The following CRACD variants were observed in gnomAD, a reference collection of about 807,000 sequenced individuals.
The protein encoded by CRACD is capping protein inhibiting regulator of actin dynamics, also known as capping protein-inhibiting regulator of actin dynamics.
Under a neutral mutation model 106.8 loss-of-function variants are expected in CRACD, and 56 were observed. The observed-to-expected ratio is 0.52, with a 90% CI of 0.42 to 0.66. The LOEUF is 0.66. CRACD is among the 30% of genes least tolerant of loss of function. CRACD has a pLI of 0.00. For synonymous variants in CRACD, 754 were observed against 670.8 expected (o/e 1.12, Z -1.92); for missense variants, 1,730 against 1,623.2 (o/e 1.07, Z -1.13).
At chr4:56,290,202 C>T (rs943553239) in intron 3 of CRACD, among the ~76,000 whole-genome samples, 1 of 152,198 alleles carries the variant, frequency 6.6e-6, no homozygotes, top group Non-Finnish European at 1.5e-5. Flanking sequence ...GATTTCCAGT[C>T]TTCTGCATGA....
chr4:56,316,837 A>C, intron 8 of CRACD, 148 bp downstream of exon 8: 2 of 987,356 alleles, frequency 2.0e-6, no homozygotes, highest in Non-Finnish European at 2.9e-6. Context: ...TGCAGAACAA[A>C]ACCGTGGGGC....
At chr4:56,257,995 G>A (rs965139245) in intron 2 of CRACD, among the ~76,000 whole-genome samples, 2 of 151,632 alleles carry the variant, frequency 1.3e-5, no homozygotes, top group Admixed American at 6.6e-5. Flanking sequence ...GCTTGAACCC[G>A]GGAGGCAGAG....
intron 1 of CRACD, among the ~76,000 whole-genome samples, chr4:56,066,019 G>C (rs1336558381): frequency 2.6e-5 from 4 of 152,162 alleles, no homozygotes; most frequent in Non-Finnish European, 4.4e-5. Flanking sequence ...TATCAGAACT[G>C]TATTCCTTTA....
At chr4:56,204,436 G>GA in intron 2 of CRACD, among the ~76,000 whole-genome samples, 2 of 152,242 alleles carry the variant, frequency 1.3e-5, no homozygotes, top group Non-Finnish European at 2.9e-5. Flanking sequence ...TCCCATGGTA[G>GA]AAGGCAGGTG....
intron 2 of CRACD, among the ~76,000 whole-genome samples, chr4:56,239,966 T>C (rs1362054931): frequency 2.0e-5 from 3 of 152,122 alleles, no homozygotes; most frequent in African/African-American, 7.2e-5. Context: ...GGAGGAATGA[T>C]TAAGCCTATG....
intron 7 of CRACD, 149 bp downstream of exon 7, chr4:56,313,528 C>T (rs1426335239): frequency 9.9e-6 from 7 of 708,060 alleles, no homozygotes; most frequent in African/African-American, 5.4e-5. Context: ...TTGGGGAATA[C>T]ACAGGCCTGT....
intron 2 of CRACD, among the ~76,000 whole-genome samples, chr4:56,242,281 A>G (rs1740410865): frequency 6.6e-6 from 1 of 152,228 alleles, no homozygotes. Context: ...CACAGGATGA[A>G]CGGAAAAATA....
At chr4:56,083,901 C>T (rs115144945) in intron 1 of CRACD, among the ~76,000 whole-genome samples, 2,120 of 152,130 alleles carry the variant, frequency 0.014, 22 homozygotes, top group Non-Finnish European at 0.021. Context: ...CACCTGAGGC[C>T]GGGAGGTCTA....
chr4:56,115,415 C>T lies in CRACD; in HGVS notation c.-335-63869C>T, dbSNP rs749720786. ...TTTGTAGATGGAAATAATTGCTGCC[C>T]TTGTCTTATTAGAAAAATATAATCA... On this transcript the variant is annotated intron_variant, in intron 1 of 10. Transcript: ENST00000682029. Among the ~76,000 whole-genome samples, 90 of 152,174 alleles carry T rather than the reference C, an allele frequency of 5.9e-4. No homozygotes were observed. In the Middle Eastern group the frequency reaches 0.01, roughly 17 times the overall value.
chr4:56,323,311 G>T (rs902486481), intron 8 of CRACD, 66 bp from the exon 9 acceptor site: 7 of 1,391,454 alleles, frequency 5.0e-6, no homozygotes, highest in Non-Finnish European at 6.9e-6. Context: ...GTTTTAGGGG[G>T]TGAGGAACTG....
At chr4:56,236,242 G>A (rs1378974259) in intron 2 of CRACD, among the ~76,000 whole-genome samples, 1 of 152,122 alleles carries the variant, frequency 6.6e-6, no homozygotes, top group Non-Finnish European at 1.5e-5. Flanking sequence ...CTGGAGTGAT[G>A]TGTCTGCAAG....
chr4:56,071,204 T>C (rs918246014), intron 1 of CRACD, among the ~76,000 whole-genome samples: 1 of 152,150 alleles, frequency 6.6e-6, no homozygotes, highest in East Asian at 1.9e-4. Flanking sequence ...TGCCCTAGGA[T>C]AAACTTAAGA....
chr4:56,288,824 C>T (rs554506035), intron 3 of CRACD, among the ~76,000 whole-genome samples: 7 of 152,306 alleles, frequency 4.6e-5, no homozygotes, highest in Admixed American at 2.0e-4. Flanking sequence ...CATCAGCACA[C>T]CCATGTTCAT....
chr4:56,211,836 G>A (rs1343187245), intron 2 of CRACD, among the ~76,000 whole-genome samples: 2 of 152,210 alleles, frequency 1.3e-5, no homozygotes, highest in African/African-American at 2.4e-5. Flanking sequence ...AGGAAAGCAT[G>A]ACAAATGGGA....
chr4:56,291,510 T>C (rs1278053615), intron 3 of CRACD, among the ~76,000 whole-genome samples: 4 of 152,180 alleles, frequency 2.6e-5, no homozygotes, highest in Non-Finnish European at 2.9e-5. Context: ...TTTTGGAACT[T>C]TGGGCAATAT....
intron 1 of CRACD, among the ~76,000 whole-genome samples, chr4:56,085,478 C>T (rs2109813256): frequency 6.6e-6 from 1 of 152,182 alleles, no homozygotes; most frequent in African/African-American, 2.4e-5. Flanking sequence ...CTGAATAGCT[C>T]TGTAGGCTCA....
At chr4:56,074,809 A>G (rs1732781645) in intron 1 of CRACD, among the ~76,000 whole-genome samples, 2 of 152,060 alleles carry the variant, frequency 1.3e-5, no homozygotes, top group Admixed American at 6.6e-5. Context: ...TCAGTATGAT[A>G]TTGGTTGTGG....
At chr4:56,182,561 C>T (rs1268728877) in intron 2 of CRACD, among the ~76,000 whole-genome samples, 8 of 152,140 alleles carry the variant, frequency 5.3e-5, no homozygotes, top group South Asian at 2.1e-4. Flanking sequence ...CTACTAGGGC[C>T]GTGATATCAG....
rs1171920777 is a variant in CRACD at position 56,141,682 on chromosome 4, A to ATTTTT, written c.-335-37578_-335-37574dup. The stretch of plus-strand genomic sequence containing the variant: ...TAAGTATCTAAACTAAGGAAGTACT[A>ATTTTT]TTTTTTTTTTTTTTTTTTTTTTTTT... On this transcript the variant is annotated intron_variant, in intron 1 of 10. Transcript: ENST00000682029. Among the ~76,000 whole-genome samples, 575 of 82,676 alleles carry ATTTTT rather than the reference A, an allele frequency of 7.0e-3. 18 individuals are homozygous for ATTTTT. The highest frequency in any genetic ancestry group is 9.5e-3 in the South Asian group (19 of 2,006). The allele number at this position is 82,676 out of a possible 152,430, so 54.2% of individuals were successfully genotyped here.
Sources: allele counts gnomAD v4.1 joint callset (sites outside exome capture counted in the v4.1 genomes callset), GRCh38; gene constraint gnomAD v4.1.1; transcripts MANE v1.5; gene names NCBI Gene and HGNC (gene_info 2026-07-23, HGNC 2026-07-21).